The following REEP3 variants were observed in gnomAD, a reference collection of about 807,000 sequenced individuals.
REEP3 encodes receptor expression-enhancing protein 3.
REEP3 carries 20 observed loss-of-function variants against 41.3 expected under a neutral mutation model. That is an observed-to-expected ratio of 0.48 (90% CI 0.34 to 0.70). REEP3 has a LOEUF of 0.70. REEP3 is among the 30% of genes least tolerant of loss of function. The probability of loss-of-function intolerance (pLI) is 0.01; values close to 1 mark genes in which losing one functional copy is unlikely to be tolerated. For missense variants in REEP3, 271 were observed against 308.8 expected, an observed-to-expected ratio of 0.88 and a Z score of 0.92; for synonymous variants, 104 against 101.8, an observed-to-expected ratio of 1.02 and a Z score of -0.13.
chr10:63,542,417 T>G (rs930457285), intron 1 of REEP3, among the ~76,000 whole-genome samples: 1 of 152,222 alleles, frequency 6.6e-6, no homozygotes, highest in Non-Finnish European at 1.5e-5. Flanking sequence ...TTACTGCATC[T>G]CTAAAATGAG....
chr10:63,557,103 G>A (rs1384422959), intron 1 of REEP3, among the ~76,000 whole-genome samples: 1 of 152,186 alleles, frequency 6.6e-6, no homozygotes, highest in Non-Finnish European at 1.5e-5. Context: ...GTAGGCAGTG[G>A]TGTGCCGGTA....
intron 5 of REEP3, among the ~76,000 whole-genome samples, chr10:63,605,551 A>G (rs1956216968): frequency 6.6e-6 from 1 of 152,240 alleles, no homozygotes; most frequent in African/African-American, 2.4e-5. Flanking sequence ...TCTGTGATTT[A>G]AAATGTGAAG....
chr10:63,556,500 A>G (rs113000399), intron 1 of REEP3, among the ~76,000 whole-genome samples: 1,759 of 148,920 alleles, frequency 0.012, 38 homozygotes, highest in African/African-American at 0.041. Context: ...TGAGTGAACT[A>G]TTATAAATGA....
In REEP3 at chr10:63,623,926, A is replaced by G. The variant is rs1956376296; in HGVS notation, c.*3057A>G. 1.3e-5 allele frequency: 2 copies of G among 153,824 alleles called. No individual in the cohort carries two copies. Among genetic ancestry groups the G allele is most frequent in the African/African-American group, 4.8e-5 (2 of 41,506 alleles). The allele number at this position is 153,824 out of a possible 1,614,324, so 9.5% of individuals were successfully genotyped here. ...ATATGTCACCACCAAAGATTTCTACAGTGTTATAAAGTATATAAATATTCC... is the reference window on the plus strand; with the variant it reads ...ATATGTCACCACCAAAGATTTCTACGGTGTTATAAAGTATATAAATATTCC... On this transcript the variant is annotated 3_prime_UTR_variant, in exon 8 of 8. Coordinates refer to ENST00000373758, the MANE Select transcript of REEP3 (RefSeq NM_001001330.3).
At chr10:63,590,490 G>A (rs1956050942) in intron 2 of REEP3, among the ~76,000 whole-genome samples, 1 of 150,562 alleles carries the variant, frequency 6.6e-6, no homozygotes, top group Non-Finnish European at 1.5e-5. Flanking sequence ...TCACCTTGTT[G>A]GATAATTAAG....
chr10:63,610,223 A>C lies in REEP3; in HGVS notation c.454A>C (p.Ser152Arg), dbSNP rs1458630686. The change falls in exon 6 of 8, where the codon AGT (serine) becomes CGT (arginine). Residue 152 changes from serine (S) to arginine (R), a missense_variant. Ser to Arg is a moderately radical substitution (Grantham distance 110). Coordinates refer to ENST00000373758, the MANE Select transcript of REEP3 (RefSeq NM_001001330.3). ...AATAACTGAACGTTTAAGAAGCTTCAGTATGCATGATTTAACAACTATCCA... is the reference window on the plus strand; with the variant it reads ...AATAACTGAACGTTTAAGAAGCTTCCGTATGCATGATTTAACAACTATCCA... ...GAITERLRSF[S>R]MHDLTTIQGD... The C allele has an allele frequency of 6.2e-7, 1 of 1,609,068 alleles. No individual in the cohort carries two copies. The highest frequency in any genetic ancestry group is 2.2e-5 in the East Asian group (1 of 44,852).
At chr10:63,562,826 A>G in intron 1 of REEP3, 1 of 417,388 alleles carries the variant, frequency 2.4e-6, no homozygotes, top group East Asian at 7.1e-5. Flanking sequence ...AAAGGTTCAC[A>G]AATATATATG....
intron 1 of REEP3, among the ~76,000 whole-genome samples, chr10:63,561,932 C>T (rs1234858508): frequency 6.6e-6 from 1 of 151,862 alleles, no homozygotes; most frequent in African/African-American, 2.4e-5. Flanking sequence ...TGATTGTATC[C>T]AAGTTCTAAA....
chr10:63,610,390 A>G, intron 6 of REEP3, 56 bp downstream of exon 6: 1 of 1,517,896 alleles, frequency 6.6e-7, no homozygotes, highest in Non-Finnish European at 8.9e-7. Flanking sequence ...GGAGGGGAAC[A>G]ACATACACTG....
chr10:63,557,844 A>T (rs543121793), intron 1 of REEP3, among the ~76,000 whole-genome samples: 2 of 152,364 alleles, frequency 1.3e-5, no homozygotes, highest in Non-Finnish European at 2.9e-5. Context: ...GAGGACCACA[A>T]GTGTTGATAT....
At chr10:63,596,014 G>T (rs895534319) in intron 3 of REEP3, among the ~76,000 whole-genome samples, 15 of 151,946 alleles carry the variant, frequency 9.9e-5, no homozygotes, top group African/African-American at 3.6e-4. Context: ...ATTTTGTCTG[G>T]GTCTGTTTCA....
intron 2 of REEP3, among the ~76,000 whole-genome samples, chr10:63,588,879 A>G (rs1956031869): frequency 6.6e-6 from 1 of 152,218 alleles, no homozygotes; most frequent in Non-Finnish European, 1.5e-5. Context: ...CTTCACATGG[A>G]TAACTGGGGG....
chr10:63,576,066 T>G (rs1226200102), intron 2 of REEP3, among the ~76,000 whole-genome samples: 1 of 152,210 alleles, frequency 6.6e-6, no homozygotes, highest in Non-Finnish European at 1.5e-5. Flanking sequence ...GTCTTTCGTT[T>G]GAATTCTGTT....
At chr10:63,599,426 G>T in intron 5 of REEP3, 143 bp downstream of exon 5, 1 of 441,526 alleles carries the variant, frequency 2.3e-6, no homozygotes, top group Non-Finnish European at 3.9e-6. Context: ...TAATTTTAAA[G>T]ATATTTTAAT....
chr10:63,617,516 CAGCCTTTGGAGG>C (rs1423846748), intron 6 of REEP3, among the ~76,000 whole-genome samples: 1 of 152,178 alleles, frequency 6.6e-6, no homozygotes, highest in African/African-American at 2.4e-5. Context: ...CCTCCTACCT[CAGCCTTTGGAGG>C]AGCTGGGACT....
chr10:63,525,707 T>C (rs1334447278), intron 1 of REEP3, among the ~76,000 whole-genome samples: 1 of 152,118 alleles, frequency 6.6e-6, no homozygotes, highest in Non-Finnish European at 1.5e-5. Context: ...GCATGAATAG[T>C]TACCAATTTT....
chr10:63,544,445 A>G (rs922944776), intron 1 of REEP3, among the ~76,000 whole-genome samples: 4 of 152,226 alleles, frequency 2.6e-5, no homozygotes, highest in Non-Finnish European at 5.9e-5. Flanking sequence ...CAGATATGAA[A>G]GAGATTTAGG....
chr10:63,603,925 T>C (rs1956200116), intron 5 of REEP3, among the ~76,000 whole-genome samples: 1 of 152,198 alleles, frequency 6.6e-6, no homozygotes, highest in South Asian at 2.1e-4. Context: ...CACTTCATAC[T>C]GAAGAGTAAA....
At position 63,621,430 on chromosome 10, in the gene REEP3, T is replaced by C. The variant is rs1392456383; in HGVS notation, c.*561T>C. On this transcript the variant is annotated 3_prime_UTR_variant, in exon 8 of 8. Coordinates refer to ENST00000373758, the MANE Select transcript of REEP3 (RefSeq NM_001001330.3). ...TATTTGAAAACCAGGTATCCACACA[T>C]AGCACTTTTATTCCTGACTAGTTTT... The C allele has an allele frequency of 6.6e-6, 1 of 152,636 alleles. No individual in the cohort carries two copies. The highest frequency in any genetic ancestry group is 1.5e-5 in the Non-Finnish European group (1 of 68,020). The allele number at this position is 152,636 out of a possible 1,614,324, so 9.5% of individuals were successfully genotyped here. A position where few individuals can be genotyped will look rare whatever the true frequency, so the allele number is the denominator to read the frequency against.
Sources: allele counts gnomAD v4.1 joint callset (sites outside exome capture counted in the v4.1 genomes callset), GRCh38; gene constraint gnomAD v4.1.1; transcripts MANE v1.5; gene names NCBI Gene and HGNC (gene_info 2026-07-23, HGNC 2026-07-21).